ACADL: variants seen among roughly 807,000 people sequenced by gnomAD.
ACADL encodes the protein long-chain specific acyl-CoA dehydrogenase, mitochondrial.
A neutral mutation model predicts 56.9 loss-of-function variants in ACADL; 60 were observed. That is an observed-to-expected ratio of 1.05 (90% CI 0.86 to 1.31). The LOEUF is 1.31. Ranked by LOEUF, ACADL falls within the 50% of genes most tolerant of loss-of-function variation. The pLI is 0.00. For missense variants in ACADL, 484 were observed against 525.5 expected (o/e 0.92, Z 0.77); for synonymous variants, 158 against 179.7 (o/e 0.88, Z 0.97).
Position 210,225,215 on chromosome 2 carries a change from G to C in ACADL, c.49C>G (p.Arg17Gly), listed in dbSNP as rs778271489. 10 of 1,544,510 alleles carry C rather than the reference G, an allele frequency of 6.5e-6. No homozygotes were observed. Among genetic ancestry groups the C allele is most frequent in the Admixed American group, 1.9e-5 (1 of 52,286 alleles). Residue 17 changes from arginine to glycine, a missense_variant, in exon 1 of 11, where the codon CGT (arginine) becomes GGT (glycine). Coordinates refer to ENST00000233710, the MANE Select transcript of ACADL (RefSeq NM_001608.4). ...RGSLRVLGGH[R>G]APRQLPAARC... ...GCGGCGGGCAGCTGGCGCGGCGCAC[G>C]GTGGCCGCCCAGGACGCGTAGGGAC...
intron 4 of ACADL, among the ~76,000 whole-genome samples, 171 bp from the exon 5 acceptor site, chr2:210,210,433 T>C (rs1006189015): frequency 2.6e-5 from 4 of 152,248 alleles, no homozygotes; most frequent in Non-Finnish European, 5.9e-5. Context: ...TGATCTATTA[T>C]ATTCTAAAGC....
rs534368780 is a variant in ACADL at position 210,199,013 on chromosome 2, G to A, written c.985-3675C>T. Among the ~76,000 whole-genome samples the A allele has an allele frequency of 2.6e-5, 4 of 152,142 alleles. No homozygotes were observed. In the South Asian group the frequency reaches 8.3e-4, roughly 32 times the overall value. ...TCAACTGGTCAGAAAGCCCCAAAAT[G>A]TCCAAAATTCAAGGATAACAAAGAG... On this transcript the variant is annotated intron_variant, in intron 8 of 10. Coordinates refer to ENST00000233710, the MANE Select transcript of ACADL (RefSeq NM_001608.4).
chr2:210,191,865 TGAG>T (rs1688638168), intron 10 of ACADL, among the ~76,000 whole-genome samples: 1 of 151,942 alleles, frequency 6.6e-6, no homozygotes, highest in African/African-American at 2.4e-5. Flanking sequence ...TCTAGGGTGA[TGAG>T]GAAAAAAAGC....
intron 1 of ACADL, chr2:210,224,731 T>A: frequency 1.0e-5 from 10 of 988,148 alleles, no homozygotes; most frequent in Non-Finnish European, 1.2e-5. Context: ...CCAAGTTCAC[T>A]ACCGCGCGGC....
At chr2:210,224,963 C>A in intron 1 of ACADL, 1 of 1,375,156 alleles carries the variant, frequency 7.3e-7, no homozygotes, top group African/African-American at 1.5e-5. Flanking sequence ...GCGGTCTGTT[C>A]TCGGGGCGGC....
intron 7 of ACADL, among the ~76,000 whole-genome samples, chr2:210,203,714 T>C (rs1238415897): frequency 6.6e-6 from 1 of 152,162 alleles, no homozygotes; most frequent in Non-Finnish European, 1.5e-5. Flanking sequence ...CTCACTCTGT[T>C]GCCAAAAATG....
At chr2:210,201,525 A>C (rs1346712334) in intron 8 of ACADL, among the ~76,000 whole-genome samples, 1 of 152,224 alleles carries the variant, frequency 6.6e-6, no homozygotes, top group Non-Finnish European at 1.5e-5. Context: ...GAGAGAGAAC[A>C]CGACTAGACT....
At chr2:210,194,104 T>A (rs1211870220) in intron 9 of ACADL, among the ~76,000 whole-genome samples, 2 of 152,172 alleles carry the variant, frequency 1.3e-5, no homozygotes, top group Non-Finnish European at 2.9e-5. Context: ...AGCATGTGTA[T>A]AAACCTGAGG....
At chr2:210,217,919 G>T (rs751576478) in intron 3 of ACADL, 46 bp downstream of exon 3, 9 of 1,604,170 alleles carry the variant, frequency 5.6e-6, no homozygotes, top group Non-Finnish European at 6.8e-6. Flanking sequence ...AAGGTGAGTG[G>T]TGTGTTTACA....
Position 210,189,037 on chromosome 2 carries a change from C to T in ACADL, c.1217G>A (p.Arg406Lys). 6.2e-7 allele frequency: 1 copy of T among 1,611,854 alleles called. No individual in the cohort carries two copies. The highest frequency in any genetic ancestry group is 8.5e-7 in the Non-Finnish European group (1 of 1,178,092). ...TGTACCACCATAGATTGGCTGAACT[C>T]TGGCATCCACATAAGCTCTGGATAA... ...YPIAKAYVDA[R>K]VQPIYGGTNE... The change falls in exon 11 of 11, where the codon AGA (arginine) becomes AAA (lysine). Residue 406 changes from arginine to lysine, a missense_variant. By Grantham distance (26) the Arg-to-Lys change is conservative. Coordinates refer to ENST00000233710, the MANE Select transcript of ACADL (RefSeq NM_001608.4).
At chr2:210,214,566 T>C (rs1689052061) in intron 4 of ACADL, among the ~76,000 whole-genome samples, 1 of 151,228 alleles carries the variant, frequency 6.6e-6, no homozygotes, top group African/African-American at 2.4e-5. Context: ...TTCTCAGGTT[T>C]CCTTCTTAAT....
At chr2:210,191,242 A>G (rs914525207) in intron 10 of ACADL, among the ~76,000 whole-genome samples, 2 of 152,202 alleles carry the variant, frequency 1.3e-5, no homozygotes, top group East Asian at 3.8e-4. Context: ...TAGGCGATAT[A>G]TGGGAAGAGA....
In ACADL at chr2:210,224,940, C is replaced by T. The variant is rs894459684; in HGVS notation, c.77+247G>A. ...TCTGGAGAAATCTTTCGGCTTTCCCCGACGTGGGCTCGGCGGTCTGTTCTC... is the reference window on the plus strand; with the variant it reads ...TCTGGAGAAATCTTTCGGCTTTCCCTGACGTGGGCTCGGCGGTCTGTTCTC... On this transcript the variant is annotated intron_variant, in intron 1 of 10. Transcript: ENST00000233710. 7.5e-6 allele frequency: 10 copies of T among 1,338,374 alleles called. No homozygotes were observed. The East Asian group carries it at 1.3e-4, about 17-fold the overall frequency. 82.9% of individuals were successfully genotyped at this position (1,338,374 alleles called of 1,614,324 possible).
At position 210,187,962 on chromosome 2, in the gene ACADL, A is replaced by C. The variant is rs189005951; in HGVS notation, c.*999T>G. 3.3e-5 allele frequency: 5 copies of C among 152,328 alleles called. No homozygotes were observed. The East Asian group carries it at 7.7e-4, about 24-fold the overall frequency. The allele number at this position is 152,328 out of a possible 1,614,324, so 9.4% of individuals were successfully genotyped here. A position where few individuals can be genotyped will look rare whatever the true frequency, so the allele number is the denominator to read the frequency against. On this transcript the variant is annotated 3_prime_UTR_variant, in exon 11 of 11. Coordinates refer to ENST00000233710, the MANE Select transcript of ACADL (RefSeq NM_001608.4). Reference sequence around the variant, plus strand: ...GGTTTATTTTTTGTAATTACTTTTAAGTCTTAAATCAAATGTCATTTCCTC... The same window carrying C: ...GGTTTATTTTTTGTAATTACTTTTACGTCTTAAATCAAATGTCATTTCCTC...
At chr2:210,219,606 C>T (rs1358203384) in intron 2 of ACADL, among the ~76,000 whole-genome samples, 2 of 152,102 alleles carry the variant, frequency 1.3e-5, no homozygotes, top group Non-Finnish European at 1.5e-5. Context: ...TTAGTAAAAA[C>T]CTAATGGAAG....
intron 10 of ACADL, among the ~76,000 whole-genome samples, chr2:210,192,195 A>G (rs1477526458): frequency 1.3e-5 from 2 of 151,626 alleles, no homozygotes; most frequent in Non-Finnish European, 2.9e-5. Context: ...TTAAAAAAAA[A>G]GTAGTATTTG....
chr2:210,189,392 A>G (rs1018950283), intron 10 of ACADL, among the ~76,000 whole-genome samples: 19 of 152,160 alleles, frequency 1.2e-4, no homozygotes, highest in African/African-American at 4.6e-4. Flanking sequence ...TAGGAAATGC[A>G]CAGGATGTCT....
chr2:210,224,554 T>G, intron 1 of ACADL: 6 of 985,088 alleles, frequency 6.1e-6, no homozygotes, highest in Non-Finnish European at 7.2e-6. Context: ...TAGTAGTCAC[T>G]GAACTACTTA....
intron 10 of ACADL, 121 bp from the exon 11 acceptor site, chr2:210,189,175 A>C (rs1688593088): frequency 1.4e-6 from 1 of 690,540 alleles, no homozygotes; most frequent in African/African-American, 1.8e-5. Flanking sequence ...GTCCTTCATA[A>C]ATTACTTATT....
Sources: allele counts gnomAD v4.1 joint callset (sites outside exome capture counted in the v4.1 genomes callset), GRCh38; gene constraint gnomAD v4.1.1; transcripts MANE v1.5; gene names NCBI Gene and HGNC (gene_info 2026-07-23, HGNC 2026-07-21).